Variants in HEXB observed in about 807,000 individuals in gnomAD.
HEXB encodes the protein beta-hexosaminidase subunit beta.
HEXB carries 51 observed loss-of-function variants against 71.2 expected under a neutral mutation model. The ratio of observed to expected loss-of-function variants is 0.72; its 90% CI spans 0.57 to 0.90. The LOEUF (loss-of-function observed/expected upper bound fraction) is 0.90, where lower values mean the gene tolerates loss of function less well. HEXB is among the 40% of genes least tolerant of loss of function. The pLI is 0.00. For synonymous variants in HEXB, 266 were observed against 249.3 expected (o/e 1.07, Z -0.63); for missense variants, 617 against 677.0 (o/e 0.91, Z 0.98).
intron 1 of HEXB, among the ~76,000 whole-genome samples, chr5:74,662,382 A>C (rs934656326): frequency 1.2e-4 from 18 of 152,226 alleles, no homozygotes; most frequent in African/African-American, 4.3e-4. Flanking sequence ...TTACTCTGTG[A>C]GTGTCATTTA....
At chr5:74,646,671 G>A (rs750450687) in intron 1 of HEXB, among the ~76,000 whole-genome samples, 41 of 151,606 alleles carry the variant, frequency 2.7e-4, no homozygotes, top group South Asian at 1.0e-3. Context: ...GAGTTCAAGC[G>A]ATTCTCCTGC....
chr5:74,718,892 T>A lies in HEXB; in HGVS notation c.1338T>A (p.Ser446=), dbSNP rs369108455. The A allele has an allele frequency of 7.4e-6, 12 of 1,613,928 alleles. No individual in the cohort carries two copies. The highest frequency in any genetic ancestry group is 4.5e-5 in the East Asian group (2 of 44,876). Residue 446 remains serine, a synonymous_variant, in exon 11 of 14, where the codon TCT becomes TCA. Coordinates refer to ENST00000261416, the MANE Select transcript of HEXB (RefSeq NM_000521.4). ...VTASGFPVIL[S]APWYLDLISY... ...CATCTGGCTTCCCTGTAATCCTTTCTGCTCCTTGGTACTTAGATTTGATTA... is the reference window on the plus strand; with the variant it reads ...CATCTGGCTTCCCTGTAATCCTTTCAGCTCCTTGGTACTTAGATTTGATTA...
At chr5:74,684,805 G>C (rs1748815283), upstream of HEXB, among the ~76,000 whole-genome samples, 1 of 151,496 alleles carries the variant, frequency 6.6e-6, no homozygotes, top group South Asian at 2.1e-4. Flanking sequence ...AGCCTCCCGA[G>C]TAGCTGGGAC....
chr5:74,720,540 A>G (rs779760584), intron 12 of HEXB, 22 bp downstream of exon 12: 2 of 1,598,718 alleles, frequency 1.3e-6, no homozygotes, highest in South Asian at 1.1e-5. Context: ...ACCTGATAAC[A>G]TTTAAGAATT....
At chr5:74,677,293 T>C (rs1748649179) in intron 1 of HEXB, among the ~76,000 whole-genome samples, 1 of 152,140 alleles carries the variant, frequency 6.6e-6, no homozygotes, top group Non-Finnish European at 1.5e-5. Context: ...CAGTTACACA[T>C]TTGCATGACT....
At chr5:74,702,117 C>T (rs111326482) in intron 5 of HEXB, among the ~76,000 whole-genome samples, 2,706 of 130,272 alleles carry the variant, frequency 0.021, 128 homozygotes, top group African/African-American at 0.077. Flanking sequence ...CTCGCTCTGT[C>T]GCCCAGGCTG....
At chr5:74,683,302 CTTT>C (rs113766699), upstream of HEXB, among the ~76,000 whole-genome samples, 62 of 148,454 alleles carry the variant, frequency 4.2e-4, no homozygotes, top group East Asian at 4.9e-3. Context: ...CTAGTTTCTT[CTTT>C]TTTTTTTTTT....
chr5:74,670,338 C>T (rs886946564), intron 1 of HEXB, among the ~76,000 whole-genome samples: 5 of 151,942 alleles, frequency 3.3e-5, no homozygotes, highest in African/African-American at 4.8e-5. Flanking sequence ...AAACCATCAA[C>T]TTCAGGCGGG....
intron 1 of HEXB, among the ~76,000 whole-genome samples, chr5:74,651,706 G>T (rs1178908746): frequency 6.6e-6 from 1 of 152,180 alleles, no homozygotes; most frequent in African/African-American, 2.4e-5. Context: ...TTTGAAGCAT[G>T]AACCTTTCTA....
At chr5:74,720,881 A>ATAATACCTG in intron 13 of HEXB, 134 bp downstream of exon 13, 1 of 830,546 alleles carries the variant, frequency 1.2e-6, no homozygotes, top group Non-Finnish European at 2.0e-6. Flanking sequence ...TTTGTAAGTA[A>ATAATACCTG]TAATACCTGT....
intron 1 of HEXB, among the ~76,000 whole-genome samples, chr5:74,643,165 T>C (rs1309649148): frequency 1.3e-5 from 2 of 152,228 alleles, no homozygotes; most frequent in Non-Finnish European, 2.9e-5. Flanking sequence ...TGAGCCAATC[T>C]ATGACTAGTT....
intron 1 of HEXB, among the ~76,000 whole-genome samples, chr5:74,679,521 C>T (rs1748698524): frequency 6.6e-6 from 1 of 152,070 alleles, no homozygotes; most frequent in Non-Finnish European, 1.5e-5. Flanking sequence ...GGACTGTTGG[C>T]CAGGCGCGGT....
chr5:74,676,849 A>G (rs531119976), intron 1 of HEXB, among the ~76,000 whole-genome samples: 3 of 152,176 alleles, frequency 2.0e-5, no homozygotes, highest in South Asian at 4.2e-4. Context: ...AACATAAGCT[A>G]TTGATTGGCT....
chr5:74,648,709 C>T (rs1333758371), intron 1 of HEXB, among the ~76,000 whole-genome samples: 4 of 152,192 alleles, frequency 2.6e-5, no homozygotes, highest in East Asian at 1.9e-4. Flanking sequence ...TCAATGTCAT[C>T]GGCATACATG....
intron 11 of HEXB, among the ~76,000 whole-genome samples, chr5:74,719,266 ACT>A (rs770826710): frequency 6.6e-6 from 1 of 151,848 alleles, no homozygotes; most frequent in Non-Finnish European, 1.5e-5. Context: ...ATGGCTCCTC[ACT>A]CTCTACATTC....
intron 1 of HEXB, among the ~76,000 whole-genome samples, chr5:74,669,329 T>C (rs1748491468): frequency 1.3e-5 from 2 of 152,118 alleles, no homozygotes; most frequent in African/African-American, 4.8e-5. Flanking sequence ...ATGAGCATTA[T>C]TCAAATCTAA....
rs1240041976 is a variant in HEXB, at chr5:74,685,391, G to C, written c.131G>C (p.Arg44Pro). Residue 44 changes from arginine (R) to proline (P), a missense_variant, in exon 1 of 14, where the codon CGG becomes CCG. Transcript: ENST00000261416. ...GTGGTGCAGGTGGCGGAGGCGGCTC[G>C]GGCCCCGAGCGTCTCGGCCAAGCCG... ...ALVVQVAEAA[R>P]APSVSAKPGP... 9.4e-6 allele frequency: 15 copies of C among 1,592,302 alleles called. No individual in the cohort carries two copies. The highest frequency in any genetic ancestry group is 1.1e-5 in the Non-Finnish European group (13 of 1,171,710).
rs1357948646 is a variant in HEXB, at chr5:74,691,182, TTGA to T, written c.445+1720_445+1722del. 4.6e-5 allele frequency among the ~76,000 whole-genome samples: 7 copies of T among 152,216 alleles called. No individual in the cohort carries two copies. In the East Asian group the frequency reaches 5.8e-4, roughly 13 times the overall value. ...AACTAGTTTTTAGTCTTTAAACTAGTTGATGATGATGATAAAAGTAACACATAT... is the reference window on the plus strand; with the variant it reads ...AACTAGTTTTTAGTCTTTAAACTAGTTGATGATGATAAAAGTAACACATAT... On this transcript the variant is annotated intron_variant, in intron 2 of 13. Transcript: ENST00000261416.
chr5:74,682,233 C>T (rs563457480), upstream of HEXB, among the ~76,000 whole-genome samples: 14 of 152,356 alleles, frequency 9.2e-5, no homozygotes, highest in South Asian at 2.7e-3. Context: ...TGGCGGGCGC[C>T]TGTAGTCCCA....
Sources: allele counts gnomAD v4.1 joint callset (sites outside exome capture counted in the v4.1 genomes callset), GRCh38; gene constraint gnomAD v4.1.1; transcripts MANE v1.5; gene names NCBI Gene and HGNC (gene_info 2026-07-23, HGNC 2026-07-21).